ARHGAP24: variants seen among roughly 807,000 people sequenced by gnomAD.
ARHGAP24 encodes the protein rho GTPase-activating protein 24.
In ARHGAP24, 50 loss-of-function variants were observed where a neutral mutation model predicts 76.4. That is an observed-to-expected ratio of 0.65 (90% confidence interval 0.52 to 0.83). The LOEUF is 0.83. ARHGAP24 is among the 40% of genes least tolerant of loss of function. The pLI, the probability that ARHGAP24 is intolerant of heterozygous loss-of-function variation, is 0.00. For synonymous variants in ARHGAP24, 345 were observed against 323.3 expected (o/e 1.07, Z -0.72); for missense variants, 930 against 914.2 (o/e 1.02, Z -0.22).
chr4:85,591,031 GTTTTTTTTT>G (rs35373441), intron 2 of ARHGAP24, among the ~76,000 whole-genome samples: 5 of 62,654 alleles, frequency 8.0e-5, no homozygotes, highest in African/African-American at 2.7e-4. Context: ...AATCTGCTGG[GTTTTTTTTT>G]TTTTTTTTTT....
At position 85,542,667 on chromosome 4, in the gene ARHGAP24, G is replaced by T. The variant is rs117122385; in HGVS notation, c.-20-27855G>T. On this transcript the variant is annotated intron_variant, in intron 1 of 9. Coordinates refer to ENST00000395184, the MANE Select transcript of ARHGAP24 (RefSeq NM_001025616.3). ...GGGGAAATAAAACAAAAGAAATAAA[G>T]ACATTAAAGAGATAAAAGTAGCATG... Among the ~76,000 whole-genome samples the T allele has an allele frequency of 9.5e-3, 1,450 of 151,836 alleles. 12 individuals carry two copies. Among genetic ancestry groups the T allele is most frequent in the East Asian group, 0.019 (96 of 5,180 alleles).
chr4:85,680,706 AT>A (rs1723172911), intron 2 of ARHGAP24, among the ~76,000 whole-genome samples: 1 of 151,522 alleles, frequency 6.6e-6, no homozygotes, highest in Admixed American at 6.6e-5. Flanking sequence ...AAAAATGAAA[AT>A]ATTCTGAAAC....
intron 5 of ARHGAP24, among the ~76,000 whole-genome samples, chr4:85,965,832 T>G (rs1455480016): frequency 1.3e-5 from 2 of 152,180 alleles, no homozygotes; most frequent in African/African-American, 4.8e-5. Context: ...TTCCATAAAT[T>G]CACATTAACT....
chr4:85,770,426 C>A (rs530041868), intron 3 of ARHGAP24, among the ~76,000 whole-genome samples: 3 of 152,136 alleles, frequency 2.0e-5, no homozygotes, highest in African/African-American at 4.8e-5. Context: ...TAAATGTCTC[C>A]CTACTTCCTA....
At chr4:85,788,996 A>G (rs889706323) in intron 3 of ARHGAP24, among the ~76,000 whole-genome samples, 1 of 152,080 alleles carries the variant, frequency 6.6e-6, no homozygotes, top group Admixed American at 6.5e-5. Flanking sequence ...GAATCTCTAG[A>G]GTGATGAGAG....
intron 2 of ARHGAP24, among the ~76,000 whole-genome samples, chr4:85,598,220 A>C (rs1719905081): frequency 1.3e-5 from 2 of 152,028 alleles, no homozygotes; most frequent in African/African-American, 4.8e-5. Context: ...AAGAAGTAAA[A>C]TTTTAGCTGT....
chr4:85,934,998 C>G (rs148522361), intron 4 of ARHGAP24, among the ~76,000 whole-genome samples: 5 of 152,128 alleles, frequency 3.3e-5, no homozygotes, highest in African/African-American at 1.2e-4. Flanking sequence ...GATTCAAGAT[C>G]GATTACAAAC....
At chr4:85,528,684 A>C (rs980966694) in intron 1 of ARHGAP24, among the ~76,000 whole-genome samples, 14 of 152,114 alleles carry the variant, frequency 9.2e-5, no homozygotes, top group African/African-American at 3.1e-4. Context: ...GTGTTTGTTA[A>C]GTAAAGTTCA....
chr4:85,673,600 G>A (rs954844745), intron 2 of ARHGAP24, among the ~76,000 whole-genome samples: 9 of 150,696 alleles, frequency 6.0e-5, no homozygotes, highest in African/African-American at 1.2e-4. Context: ...TAGACCTGGA[G>A]AGCTAGAAAA....
chr4:85,916,064 A>G (rs1455928183), intron 3 of ARHGAP24, among the ~76,000 whole-genome samples: 4 of 152,068 alleles, frequency 2.6e-5, no homozygotes, highest in African/African-American at 7.2e-5. Flanking sequence ...CTATTTCTCT[A>G]CATCCTCTCT....
At chr4:85,578,019 C>CCCTGCCTTAT (rs1727457016) in intron 2 of ARHGAP24, among the ~76,000 whole-genome samples, 1 of 152,078 alleles carries the variant, frequency 6.6e-6, no homozygotes, top group Admixed American at 6.6e-5. Flanking sequence ...TATCTTGGGA[C>CCCTGCCTTAT]CTTACATTTT....
intron 3 of ARHGAP24, among the ~76,000 whole-genome samples, chr4:85,729,568 C>G (rs1725314031): frequency 6.6e-6 from 1 of 152,132 alleles, no homozygotes; most frequent in African/African-American, 2.4e-5. Flanking sequence ...AGTGTCCTCT[C>G]ACAGTGTTGG....
chr4:85,628,122 C>T (rs140719354), intron 2 of ARHGAP24, among the ~76,000 whole-genome samples: 3 of 152,244 alleles, frequency 2.0e-5, no homozygotes, highest in East Asian at 3.9e-4. Flanking sequence ...GAGATGAACC[C>T]GGTACCTCAA....
chr4:85,804,972 T>C (rs937142053), intron 3 of ARHGAP24, among the ~76,000 whole-genome samples: 6 of 152,202 alleles, frequency 3.9e-5, no homozygotes, highest in African/African-American at 1.4e-4. Context: ...CTATTTCTCT[T>C]TCCTTTAATC....
intron 3 of ARHGAP24, among the ~76,000 whole-genome samples, chr4:85,729,303 G>A (rs1229411346): frequency 1.3e-5 from 2 of 152,158 alleles, no homozygotes; most frequent in Non-Finnish European, 2.9e-5. Flanking sequence ...GGTGAAAGCA[G>A]CATGTATTAA....
rs146898256 is a variant in ARHGAP24 at position 85,935,740 on chromosome 4, A to G, written c.392-6326A>G. 1.4e-3 allele frequency among the ~76,000 whole-genome samples: 210 copies of G among 152,240 alleles called. 2 individuals are homozygous for G. Among genetic ancestry groups the G allele is most frequent in the African/African-American group, 4.7e-3 (194 of 41,546 alleles). Reference sequence around the variant, plus strand: ...AATGCCAAATAAAGAAATACATGCAACTTGCCTGACTTGGAACCTAGTGTG... The same window carrying G: ...AATGCCAAATAAAGAAATACATGCAGCTTGCCTGACTTGGAACCTAGTGTG... On this transcript the variant is annotated intron_variant, in intron 4 of 9. Coordinates refer to ENST00000395184, the MANE Select transcript of ARHGAP24 (RefSeq NM_001025616.3).
intron 4 of ARHGAP24, among the ~76,000 whole-genome samples, chr4:85,924,922 C>G (rs1455227983): frequency 6.6e-6 from 1 of 152,160 alleles, no homozygotes; most frequent in Non-Finnish European, 1.5e-5. Context: ...ACTTTTGTCC[C>G]AGGCTAATTA....
chr4:85,895,845 A>G (rs1051089368), intron 3 of ARHGAP24, among the ~76,000 whole-genome samples: 3 of 152,136 alleles, frequency 2.0e-5, no homozygotes, highest in African/African-American at 7.2e-5. Context: ...TTTTGTTTCT[A>G]GGCTGCCTAC....
At chr4:85,492,100 C>T (rs1723380333) in intron 1 of ARHGAP24, among the ~76,000 whole-genome samples, 1 of 151,332 alleles carries the variant, frequency 6.6e-6, no homozygotes, top group Non-Finnish European at 1.5e-5. Flanking sequence ...CCCTCCTTCC[C>T]TCCCTTCCTT....
Sources: allele counts gnomAD v4.1 joint callset (sites outside exome capture counted in the v4.1 genomes callset), GRCh38; gene constraint gnomAD v4.1.1; transcripts MANE v1.5; gene names NCBI Gene and HGNC (gene_info 2026-07-23, HGNC 2026-07-21).